Variants in SUCO observed in about 807,000 individuals in gnomAD.
SUCO encodes SUN domain-containing ossification factor.
Under a neutral mutation model 148.1 loss-of-function variants are expected in SUCO, and 57 were observed. That is an observed-to-expected ratio of 0.38 (90% confidence interval 0.31 to 0.48). SUCO has a LOEUF of 0.48. Ranked by LOEUF, SUCO falls within the 20% of genes least tolerant of loss-of-function variation. The pLI is 0.96. For missense variants in SUCO, 1,331 were observed against 1,468.2 expected, an observed-to-expected ratio of 0.91 and a Z score of 1.53; for synonymous variants, 470 against 502.7, an observed-to-expected ratio of 0.93 and a Z score of 0.87.
At chr1:172,564,011 G>A (rs1016954962) in intron 6 of SUCO, among the ~76,000 whole-genome samples, 2 of 152,242 alleles carry the variant, frequency 1.3e-5, no homozygotes, top group African/African-American at 2.4e-5. Flanking sequence ...TGCAAGCCCC[G>A]AGCCTTTGCA....
At chr1:172,606,027 C>A (rs1657842798) in intron 22 of SUCO, among the ~76,000 whole-genome samples, 1 of 151,148 alleles carries the variant, frequency 6.6e-6, no homozygotes, top group African/African-American at 2.4e-5. Context: ...ATTTTATTTC[C>A]ATTTTTAATG....
chr1:172,609,510 A>G (rs1658073288), intron 23 of SUCO: 1 of 954,592 alleles, frequency 1.0e-6, no homozygotes, highest in African/African-American at 1.8e-5. Flanking sequence ...GCCATAATAC[A>G]TGAAAGCAAC....
chr1:172,577,805 A>G lies in SUCO; in HGVS notation c.1326A>G (p.Pro442=), dbSNP rs1040941203. The part of the protein sequence containing the change: ...LSHFGSEHFC[P]LSLIRVFGTS... Reference sequence around the variant, plus strand: ...ATTTTGGATCAGAGCACTTTTGTCCATTAAGCCTTATAAGGTAATGCAGAA... The same window carrying G: ...ATTTTGGATCAGAGCACTTTTGTCCGTTAAGCCTTATAAGGTAATGCAGAA... The change falls in exon 13 of 24, where the codon CCA becomes CCG. Residue 442 remains proline, a synonymous_variant. Coordinates refer to ENST00000263688, the MANE Select transcript of SUCO (RefSeq NM_014283.5). 10 of 1,610,858 alleles carry G rather than the reference A, an allele frequency of 6.2e-6. No homozygotes were observed. The highest frequency in any genetic ancestry group is 4.0e-5 in the African/African-American group (3 of 74,812).
intron 1 of SUCO, among the ~76,000 whole-genome samples, chr1:172,540,175 A>T (rs1431451948): frequency 1.3e-5 from 2 of 152,244 alleles, no homozygotes; most frequent in Non-Finnish European, 2.9e-5. Context: ...TACAGCCAGG[A>T]AGCAACAGAG....
intron 6 of SUCO, among the ~76,000 whole-genome samples, chr1:172,567,652 G>A (rs571605540): frequency 6.6e-6 from 1 of 152,058 alleles, no homozygotes; most frequent in Admixed American, 6.5e-5. Context: ...TATTATTTTT[G>A]GTATTAAAAG....
chr1:172,560,999 G>C (rs984438795), intron 6 of SUCO, among the ~76,000 whole-genome samples: 1 of 152,206 alleles, frequency 6.6e-6, no homozygotes, highest in Non-Finnish European at 1.5e-5. Flanking sequence ...TTCTGAAAGA[G>C]GGTGGCACCG....
chr1:172,577,654 G>A (rs1655549673), intron 12 of SUCO, 95 bp downstream of exon 12: 3 of 1,574,496 alleles, frequency 1.9e-6, no homozygotes, highest in Non-Finnish European at 2.6e-6. Context: ...GGGAAAATAA[G>A]GACTTTATAG....
At chr1:172,565,137 A>T (rs979389301) in intron 6 of SUCO, among the ~76,000 whole-genome samples, 1 of 152,204 alleles carries the variant, frequency 6.6e-6, no homozygotes, top group Non-Finnish European at 1.5e-5. Context: ...GCCTATGCAC[A>T]TAAGTAATTT....
upstream of SUCO, chr1:172,532,825 A>G (rs1180742772): frequency 1.3e-6 from 2 of 1,578,394 alleles, no homozygotes; most frequent in Non-Finnish European, 1.7e-6. Flanking sequence ...GGAAATGCTG[A>G]GGATCACTGG....
Position 172,600,116 on chromosome 1 carries a change from T to C in SUCO, c.2966T>C (p.Met989Thr), listed in dbSNP as rs2149269141. Reference sequence around the variant, plus strand: ...TTGCTACAGGCACAGCTGACCAACATGACACAGCTTGTTTCAAATTTATCA... The same window carrying C: ...TTGCTACAGGCACAGCTGACCAACACGACACAGCTTGTTTCAAATTTATCA... ...IQLLQAQLTN[M>T]TQLVSNLSAT... is the part of the protein sequence containing the mutation. The change falls in exon 20 of 24, where the codon ATG (methionine) becomes ACG (threonine). Residue 989 changes from methionine (M) to threonine (T), a missense_variant. Met to Thr is a moderately conservative substitution (Grantham distance 81). This residue lies in a region of SUCO where 334 missense variants were observed against 352.3 expected (regional missense o/e 0.95). Transcript: ENST00000263688. 11 of 1,611,598 alleles carry C rather than the reference T, an allele frequency of 6.8e-6. No homozygotes were observed. Among genetic ancestry groups the C allele is most frequent in the Non-Finnish European group, 9.3e-6 (11 of 1,179,618 alleles).
chr1:172,570,559 T>C, intron 8 of SUCO, 104 bp from the exon 9 acceptor site: 1 of 775,026 alleles, frequency 1.3e-6, no homozygotes, highest in Admixed American at 2.6e-5. Flanking sequence ...TTAGGTGTAC[T>C]TAAGATCTAA....
Position 172,610,919 on chromosome 1 carries a change from TCTTA to T in SUCO, c.*665_*668del, listed in dbSNP as rs776623588. On this transcript the variant is annotated 3_prime_UTR_variant, in exon 24 of 24. Transcript: ENST00000263688. ...TTTCACTTATTCAGACTGGATTACTTCTTACTTAGTTACTAACTCAATGAGGAAA... is the reference window on the plus strand; with the variant it reads ...TTTCACTTATTCAGACTGGATTACTTCTTAGTTACTAACTCAATGAGGAAA... 4.6e-5 allele frequency: 7 copies of T among 152,538 alleles called. No individual in the cohort carries two copies. Among genetic ancestry groups the T allele is most frequent in the Admixed American group, 1.3e-4 (2 of 15,278 alleles). 9.4% of individuals were successfully genotyped at this position (152,538 alleles called of 1,614,324 possible).
chr1:172,554,649 A>C (rs1195774388), intron 3 of SUCO, among the ~76,000 whole-genome samples: 1 of 151,266 alleles, frequency 6.6e-6, no homozygotes, highest in African/African-American at 2.4e-5. Context: ...AGGCAGGAGA[A>C]TTGCTTGAAC....
In SUCO at chr1:172,601,349, G is replaced by T. The variant is rs148823279; in HGVS notation, c.3019-715G>T. Among the ~76,000 whole-genome samples the T allele has an allele frequency of 7.2e-4, 110 of 152,172 alleles. 2 individuals carry two copies. In the East Asian group the frequency reaches 0.017, roughly 24 times the overall value. Reference sequence around the variant, plus strand: ...TTCTAAGAATACAAGAAAATTAGCCGGTGTGGTGGCATGTGCCTGTAATCC... The same window carrying T: ...TTCTAAGAATACAAGAAAATTAGCCTGTGTGGTGGCATGTGCCTGTAATCC... On this transcript the variant is annotated intron_variant, in intron 20 of 23. Transcript: ENST00000263688.
Position 172,591,016 on chromosome 1 carries a change from C to T in SUCO, c.2858C>T (p.Ala953Val). ...YRKQMEEMQKAFNKTIVKLQN... is the reference protein window; with the variant it reads ...YRKQMEEMQKVFNKTIVKLQN... Reference sequence around the variant, plus strand: ...AAACAAATGGAAGAAATGCAAAAGGCTTTCAATAAAACAATCGTGAAACTT... The same window carrying T: ...AAACAAATGGAAGAAATGCAAAAGGTTTTCAATAAAACAATCGTGAAACTT... Residue 953 changes from alanine to valine, a missense_variant, in exon 19 of 24, where the codon GCT (alanine) becomes GTT (valine). Transcript: ENST00000263688. 1.9e-6 allele frequency: 3 copies of T among 1,612,096 alleles called. No homozygotes were observed. The highest frequency in any genetic ancestry group is 2.5e-6 in the Non-Finnish European group (3 of 1,178,984).
chr1:172,538,582 A>T (rs1652198734), intron 1 of SUCO, among the ~76,000 whole-genome samples: 1 of 152,120 alleles, frequency 6.6e-6, no homozygotes, highest in African/African-American at 2.4e-5. Flanking sequence ...CAAGGTACGG[A>T]ATCTATTTCT....
intron 6 of SUCO, among the ~76,000 whole-genome samples, chr1:172,564,310 C>T (rs1199392077): frequency 6.6e-6 from 1 of 152,258 alleles, no homozygotes. Flanking sequence ...ACAGCTTGCA[C>T]CGTGCACCTG....
intron 18 of SUCO, 67 bp from the exon 19 acceptor site, chr1:172,590,917 A>G (rs1024841918): frequency 9.0e-7 from 1 of 1,105,824 alleles, no homozygotes; most frequent in African/African-American, 1.6e-5. Flanking sequence ...AATCAGAAGT[A>G]TGTTTCCATT....
At chr1:172,532,383 G>A, upstream of SUCO, 1 of 974,064 alleles carries the variant, frequency 1.0e-6, no homozygotes, top group East Asian at 2.6e-5. Flanking sequence ...GAAAAGCAAC[G>A]AAGCACACTT....
Sources: allele counts gnomAD v4.1 joint callset (sites outside exome capture counted in the v4.1 genomes callset), GRCh38; gene constraint gnomAD v4.1.1; regional missense constraint gnomAD v4.1.1; transcripts MANE v1.5; gene names NCBI Gene and HGNC (gene_info 2026-07-23, HGNC 2026-07-21).